The following ZNF736 variants were observed in gnomAD, a reference collection of about 807,000 sequenced individuals.
ZNF736 encodes the protein zinc finger protein 736.
In ZNF736, 6 loss-of-function variants were observed where a neutral mutation model predicts 11.7. The ratio of observed to expected loss-of-function variants is 0.51; its 90% CI spans 0.28 to 1.01. The LOEUF is 1.01. ZNF736 is among the 50% of genes least tolerant of loss of function. The pLI, the probability that ZNF736 is intolerant of heterozygous loss-of-function variation, is 0.09. For synonymous variants in ZNF736, 139 were observed against 164.7 expected, an observed-to-expected ratio of 0.84 and a Z score of 1.19; for missense variants, 444 against 496.0, an observed-to-expected ratio of 0.90 and a Z score of 1.00.
In ZNF736 at chr7:64,325,068, C is replaced by T. The variant is rs115065521; in HGVS notation, c.3+10915C>T. Among the ~76,000 whole-genome samples, 309 of 151,876 alleles carry T rather than the reference C, an allele frequency of 2.0e-3. 3 individuals are homozygous for T. Among genetic ancestry groups the T allele is most frequent in the African/African-American group, 7.1e-3 (294 of 41,420 alleles). On this transcript the variant is annotated intron_variant, in intron 1 of 3. Coordinates refer to ENST00000423484, the MANE Select transcript of ZNF736 (RefSeq NM_001170905.3). Reference sequence around the variant, plus strand: ...CTCTTTCCCCTTCACTATTGACTTTCGTTATAGATTAACCTCCCTCTTACC... The same window carrying T: ...CTCTTTCCCCTTCACTATTGACTTTTGTTATAGATTAACCTCCCTCTTACC...
At chr7:64,330,612 T>C (rs1256440150) in intron 1 of ZNF736, among the ~76,000 whole-genome samples, 2 of 152,064 alleles carry the variant, frequency 1.3e-5, no homozygotes, top group Non-Finnish European at 2.9e-5. Context: ...TTCTTCCCTC[T>C]CTTTTCCTCA....
rs1789477865 is a variant in ZNF736, at chr7:64,350,918, T to A, written c.*1771T>A. ...CTCTGGCTCCTTGAGATTTGGAGTTTGCGAGTTTGTGGGATGAAGGTGCCA... is the reference window on the plus strand; with the variant it reads ...CTCTGGCTCCTTGAGATTTGGAGTTAGCGAGTTTGTGGGATGAAGGTGCCA... On this transcript the variant is annotated 3_prime_UTR_variant, in exon 4 of 4. Coordinates refer to ENST00000423484, the MANE Select transcript of ZNF736 (RefSeq NM_001170905.3). 6.6e-6 allele frequency: 1 copy of A among 152,376 alleles called. No homozygotes were observed. The allele number at this position is 152,376 out of a possible 1,614,324, so 9.4% of individuals were successfully genotyped here. A position where few individuals can be genotyped will look rare whatever the true frequency, so the allele number is the denominator to read the frequency against.
intron 3 of ZNF736, among the ~76,000 whole-genome samples, chr7:64,338,176 A>G (rs1297785353): frequency 1.3e-5 from 2 of 152,248 alleles, no homozygotes; most frequent in African/African-American, 4.8e-5. Context: ...AAACACATTT[A>G]TATACGCATG....
At chr7:64,325,076 A>G (rs2115888508) in intron 1 of ZNF736, among the ~76,000 whole-genome samples, 2 of 152,272 alleles carry the variant, frequency 1.3e-5, no homozygotes, top group South Asian at 4.1e-4. Context: ...TTCGTTATAG[A>G]TTAACCTCCC....
chr7:64,327,366 A>G (rs908497652), intron 1 of ZNF736, among the ~76,000 whole-genome samples: 13 of 152,210 alleles, frequency 8.5e-5, no homozygotes, highest in African/African-American at 2.9e-4. Flanking sequence ...TTTGCATGAA[A>G]TATCTTTTTC....
rs572178440 is a variant in ZNF736, at chr7:64,351,069, C to T, written c.*1922C>T. 1 of 152,478 alleles carries T rather than the reference C, an allele frequency of 6.6e-6. No individual in the cohort carries two copies. The highest frequency in any genetic ancestry group is 1.5e-5 in the Non-Finnish European group (1 of 68,372). 9.4% of individuals were successfully genotyped at this position (152,478 alleles called of 1,614,324 possible). ...CTGCTGGAGGCTGTGTGCTGTTGCA[C>T]TAAAGGTGGTGTTGGCTTGGGGCAG... On this transcript the variant is annotated 3_prime_UTR_variant, in exon 4 of 4. Coordinates refer to ENST00000423484, the MANE Select transcript of ZNF736 (RefSeq NM_001170905.3).
chr7:64,348,079 T>G lies in ZNF736; in HGVS notation c.227-11T>G. 1.4e-6 allele frequency: 2 copies of G among 1,476,978 alleles called. No homozygotes were observed. The highest frequency in any genetic ancestry group is 1.8e-6 in the Non-Finnish European group (2 of 1,119,358). 91.5% of individuals were successfully genotyped at this position (1,476,978 alleles called of 1,614,324 possible). A position where few individuals can be genotyped will look rare whatever the true frequency, so the allele number is the denominator to read the frequency against. ...AGTCTAATGAGGGAGAATTTTATTTTTTTTCTCCAGCTGGTTCTTTTCATT... is the reference window on the plus strand; with the variant it reads ...AGTCTAATGAGGGAGAATTTTATTTGTTTTCTCCAGCTGGTTCTTTTCATT... On this transcript the variant is annotated splice_polypyrimidine_tract_variant and intron_variant, in intron 3 of 3. Coordinates refer to ENST00000423484, the MANE Select transcript of ZNF736 (RefSeq NM_001170905.3).
chr7:64,339,251 T>G (rs1461218776), intron 3 of ZNF736, among the ~76,000 whole-genome samples: 6 of 152,172 alleles, frequency 3.9e-5, no homozygotes, highest in Non-Finnish European at 8.8e-5. Flanking sequence ...ATGGTTTTCT[T>G]ATTCTATTTT....
At chr7:64,330,910 A>G (rs994123307) in intron 1 of ZNF736, among the ~76,000 whole-genome samples, 4 of 152,198 alleles carry the variant, frequency 2.6e-5, no homozygotes, top group Admixed American at 2.6e-4. Flanking sequence ...TGTGGCTGAG[A>G]TGATGTCCCA....
intron 3 of ZNF736, among the ~76,000 whole-genome samples, chr7:64,339,342 G>A (rs183599106): frequency 2.0e-5 from 3 of 151,932 alleles, no homozygotes; most frequent in Admixed American, 1.3e-4. Context: ...TTTTGCTGTC[G>A]TATCCAAAAA....
At chr7:64,338,816 T>C (rs1331727121) in intron 3 of ZNF736, among the ~76,000 whole-genome samples, 2 of 152,088 alleles carry the variant, frequency 1.3e-5, no homozygotes, top group East Asian at 3.9e-4. Flanking sequence ...GGTGCAGGTA[T>C]TTCTTTGAGA....
At chr7:64,338,975 A>G (rs895650145) in intron 3 of ZNF736, among the ~76,000 whole-genome samples, 152 of 152,132 alleles carry the variant, frequency 1.0e-3, no homozygotes, top group African/African-American at 3.5e-3. Context: ...TTTCTTTAAT[A>G]TATTGTCAAC....
chr7:64,328,926 A>G (rs1266860671), intron 1 of ZNF736, among the ~76,000 whole-genome samples: 1 of 147,730 alleles, frequency 6.8e-6, no homozygotes, highest in Non-Finnish European at 1.5e-5. Context: ...CTTTAAGGCC[A>G]TATTTCTTAG....
In ZNF736 at chr7:64,348,321, G is replaced by T. The variant is rs1789438643; in HGVS notation, c.458G>T (p.Gly153Val). 1.7e-5 allele frequency: 26 copies of T among 1,551,674 alleles called. No individual in the cohort carries two copies. The highest frequency in any genetic ancestry group is 2.2e-5 in the Non-Finnish European group (25 of 1,146,856). ...TGTCAATGTAATAAATGTGGCAGAG[G>T]TTTTCAGTTGTGCTCAATCTTCACT... Reference protein sequence around the residue: ...KTCQCNKCGRGFQLCSIFTEH... With the variant: ...KTCQCNKCGRVFQLCSIFTEH... Residue 153 changes from glycine to valine, a missense_variant, in exon 4 of 4, where the codon GGT becomes GTT. By Grantham distance (109) the Gly-to-Val change is moderately radical. Coordinates refer to ENST00000423484, the MANE Select transcript of ZNF736 (RefSeq NM_001170905.3).
chr7:64,343,098 G>A (rs1789360896), intron 3 of ZNF736, among the ~76,000 whole-genome samples: 1 of 151,996 alleles, frequency 6.6e-6, no homozygotes, highest in Admixed American at 6.6e-5. Flanking sequence ...AAATGTTATT[G>A]CTTTCACTGT....
chr7:64,332,081 G>A (rs577025941), intron 1 of ZNF736, among the ~76,000 whole-genome samples: 2 of 152,248 alleles, frequency 1.3e-5, no homozygotes, highest in Admixed American at 6.5e-5. Flanking sequence ...TCACACCTGG[G>A]AAGGGATCAC....
intron 1 of ZNF736, among the ~76,000 whole-genome samples, chr7:64,328,254 G>T (rs201867967): frequency 6.4e-4 from 95 of 147,456 alleles, no homozygotes; most frequent in East Asian, 4.2e-3. Flanking sequence ...AGTTGTTTTT[G>T]TTTTTTTTTT....
rs1788875947 is a variant in ZNF736, at chr7:64,314,071, ACTATAGCTT to A, written c.-77_-69del. The stretch of plus-strand genomic sequence containing the variant: ...GTTCCTGGAGTTCCTCGGTGACTCT[ACTATAGCTT>A]CTGTTATCCTGTGACCTGCAGGTAC... On this transcript the variant is annotated 5_prime_UTR_variant, in exon 1 of 4. Transcript: ENST00000423484. 2 of 1,541,920 alleles carry A rather than the reference ACTATAGCTT, an allele frequency of 1.3e-6. No homozygotes were observed. Among genetic ancestry groups the A allele is most frequent in the Middle Eastern group, 1.7e-4 (1 of 5,862 alleles).
At chr7:64,331,874 G>A (rs1430192431) in intron 1 of ZNF736, among the ~76,000 whole-genome samples, 1 of 152,124 alleles carries the variant, frequency 6.6e-6, no homozygotes, top group African/African-American at 2.4e-5. Context: ...ACTGAGTGAT[G>A]GAAAGGGGAA....
Sources: allele counts gnomAD v4.1 joint callset (sites outside exome capture counted in the v4.1 genomes callset), GRCh38; gene constraint gnomAD v4.1.1; transcripts MANE v1.5; gene names NCBI Gene and HGNC (gene_info 2026-07-23, HGNC 2026-07-21).